The following ENOSF1 variants were observed in gnomAD, a reference collection of about 807,000 sequenced individuals.
ENOSF1 encodes mitochondrial enolase superfamily member 1.
Under a neutral mutation model 68.2 loss-of-function variants are expected in ENOSF1, and 73 were observed. That is an observed-to-expected ratio of 1.07 (90% confidence interval 0.89 to 1.30). ENOSF1 has a LOEUF of 1.30. Ranked by LOEUF, ENOSF1 falls within the 50% of genes most tolerant of loss-of-function variation. The probability of loss-of-function intolerance (pLI) is 0.00; values close to 1 mark genes in which losing one functional copy is unlikely to be tolerated. For synonymous variants in ENOSF1, 223 were observed against 210.4 expected, an observed-to-expected ratio of 1.06 and a Z score of -0.52; for missense variants, 589 against 554.5, an observed-to-expected ratio of 1.06 and a Z score of -0.62.
At chr18:682,926 A>AC (rs1469614321) in intron 11 of ENOSF1, 82 of 224,302 alleles carry the variant, frequency 3.7e-4, no homozygotes, top group Admixed American at 2.3e-3. Flanking sequence ...AAAAAACAAA[A>AC]AAAAAAAATG....
In ENOSF1 at chr18:689,426, A is replaced by G. The variant is rs530235649; in HGVS notation, c.619-818T>C. Reference sequence around the variant, plus strand: ...CTCCTGAGTGGCTGGGACTACAGATACGCATTACCACGCCCAGATAATTTT... The same window carrying G: ...CTCCTGAGTGGCTGGGACTACAGATGCGCATTACCACGCCCAGATAATTTT... On this transcript the variant is annotated intron_variant, in intron 8 of 15. Transcript: ENST00000647584. Among the ~76,000 whole-genome samples the G allele has an allele frequency of 3.3e-5, 5 of 152,102 alleles. No homozygotes were observed. The South Asian group carries it at 1.0e-3, about 32-fold the overall frequency.
At chr18:667,547 TGATGGAGATGGTGATGGTGATGGA>T (rs2074878246), downstream of ENOSF1, among the ~76,000 whole-genome samples, 10 of 44,142 alleles carry the variant, frequency 2.3e-4, 1 homozygote, top group Non-Finnish European at 2.8e-4. Context: ...ATGGTGATGG[TGATGGAGATGGTGATGGTGATGGA>T]GATGGTGATG....
At chr18:684,217 A>T (rs576639287) in intron 10 of ENOSF1, among the ~76,000 whole-genome samples, 4 of 151,700 alleles carry the variant, frequency 2.6e-5, no homozygotes, top group Non-Finnish European at 4.4e-5. Flanking sequence ...GGATGGTCTC[A>T]ATCTCCTGAC....
At chr18:678,386 A>C in intron 12 of ENOSF1, 1 of 444,790 alleles carries the variant, frequency 2.2e-6, no homozygotes, top group South Asian at 3.6e-5. Context: ...ATTCAATTTG[A>C]AAGCTGGCTT....
chr18:691,354 T>C, intron 5 of ENOSF1, 78 bp from the exon 6 acceptor site: 1 of 1,243,952 alleles, frequency 8.0e-7, no homozygotes. Context: ...AATTTATTAT[T>C]CTTTTTTTAG....
chr18:676,257 GTTTGGATTTGT>G (rs1313989207), intron 14 of ENOSF1, among the ~76,000 whole-genome samples: 14 of 152,166 alleles, frequency 9.2e-5, no homozygotes, highest in Admixed American at 3.3e-4. Flanking sequence ...GGCTGATATG[GTTTGGATTTGT>G]TTTGGATTTG....
intron 2 of ENOSF1, among the ~76,000 whole-genome samples, chr18:699,056 T>C (rs2078047628): frequency 6.6e-6 from 1 of 152,104 alleles, no homozygotes; most frequent in Non-Finnish European, 1.5e-5. Flanking sequence ...CTATGTTGCA[T>C]GGGGCAGTGG....
At position 693,896 on chromosome 18, in the gene ENOSF1, A is replaced by T; in HGVS notation, c.409T>A (p.Leu137Ile). ...AKQEGKPVWKLLVDMDPRMLV... is the reference protein window; with the variant it reads ...AKQEGKPVWKILVDMDPRMLV... Reference sequence around the variant, plus strand: ...ATGCTACTCACCATGTCCACAAGTAACTTCCAGACAGGCTTGAAGTAAAAA... The same window carrying T: ...ATGCTACTCACCATGTCCACAAGTATCTTCCAGACAGGCTTGAAGTAAAAA... The change falls in exon 5 of 16, where the codon TTA (leucine) becomes ATA (isoleucine). Residue 137 changes from leucine (L) to isoleucine (I), a missense_variant. Leu to Ile is a conservative substitution (Grantham distance 5). Transcript: ENST00000647584. 6.2e-7 allele frequency: 1 copy of T among 1,614,094 alleles called. No individual in the cohort carries two copies. Among genetic ancestry groups the T allele is most frequent in the Non-Finnish European group, 8.5e-7 (1 of 1,180,012 alleles).
chr18:696,499 C>T (rs2077752235), intron 3 of ENOSF1, among the ~76,000 whole-genome samples: 1 of 151,972 alleles, frequency 6.6e-6, no homozygotes, highest in Non-Finnish European at 1.5e-5. Flanking sequence ...GAGTGAGCCA[C>T]CGCGCCCGGC....
At chr18:676,789 A>T (rs10502289) in intron 14 of ENOSF1, among the ~76,000 whole-genome samples, 22,921 of 152,134 alleles carry the variant, frequency 0.15, 2,167 homozygotes, top group Middle Eastern at 0.26. Flanking sequence ...TTTATCACTC[A>T]CAGTCCTGAA....
At chr18:675,677 C>T (rs148913568) in intron 14 of ENOSF1, 25 of 347,212 alleles carry the variant, frequency 7.2e-5, no homozygotes, top group African/African-American at 4.5e-4. Context: ...TCAATTCAGA[C>T]TCTGTAAATA....
chr18:710,618 C>T (rs528320738), intron 1 of ENOSF1, among the ~76,000 whole-genome samples: 8 of 152,330 alleles, frequency 5.3e-5, no homozygotes, highest in Non-Finnish European at 1.2e-4. Flanking sequence ...CTCAAGTGAT[C>T]CCCCTGCCTA....
rs1460915751 is a variant in ENOSF1, at chr18:674,319, C to T, written c.1318G>A (p.Ala440Thr). ...GGGCTGAGCACTTAATTTTCTTGAG[C>T]AGGAAGGAGTTTCTTCCAAACTTCA... ...DGEVWKKLLP[A>T]QEN The change falls in exon 16 of 16, where the codon GCT becomes ACT. Residue 440 changes from alanine (A) to threonine (T), a missense_variant. Ala to Thr is a moderately conservative substitution (Grantham distance 58). Coordinates refer to ENST00000647584, the MANE Select transcript of ENOSF1 (RefSeq NM_017512.7). The T allele has an allele frequency of 1.2e-6, 2 of 1,609,212 alleles. No homozygotes were observed. Among genetic ancestry groups the T allele is most frequent in the Admixed American group, 1.7e-5 (1 of 59,246 alleles).
chr18:678,780 G>A (rs2144625405), intron 11 of ENOSF1, 43 bp from the exon 12 acceptor site: 1 of 1,591,902 alleles, frequency 6.3e-7, no homozygotes, highest in Non-Finnish European at 8.6e-7. Context: ...CCTAAGTTTT[G>A]AACTGCAACT....
chr18:699,823 T>C (rs1392639608), intron 2 of ENOSF1, among the ~76,000 whole-genome samples: 1 of 152,228 alleles, frequency 6.6e-6, no homozygotes, highest in East Asian at 1.9e-4. Context: ...CTCACGTCTG[T>C]AATCCTAGCA....
downstream of ENOSF1, among the ~76,000 whole-genome samples, chr18:667,499 AGATGGTGATGGT>A (rs1408203595): frequency 9.8e-5 from 1 of 10,184 alleles, no homozygotes; most frequent in African/African-American, 7.7e-4. Flanking sequence ...ATGGTGATGG[AGATGGTGATGGT>A]GATGGTGATG....
intron 7 of ENOSF1, 153 bp from the exon 8 acceptor site, chr18:690,784 A>C: frequency 6.7e-7 from 1 of 1,488,354 alleles, no homozygotes; most frequent in Non-Finnish European, 8.9e-7. Flanking sequence ...CTAGGATGTC[A>C]AACCCAGGTG....
chr18:686,291 G>A (rs2076605295), intron 9 of ENOSF1: 2 of 369,702 alleles, frequency 5.4e-6, no homozygotes, highest in Non-Finnish European at 9.8e-6. Context: ...GTTTTTGCCG[G>A]GCCATGAAAA....
chr18:694,502 G>T (rs2077519381), intron 3 of ENOSF1, among the ~76,000 whole-genome samples, 168 bp from the exon 4 acceptor site: 1 of 152,064 alleles, frequency 6.6e-6, no homozygotes, highest in Admixed American at 6.6e-5. Context: ...GTGGTGGTTT[G>T]TGCCTGTAGT....
Sources: allele counts gnomAD v4.1 joint callset (sites outside exome capture counted in the v4.1 genomes callset), GRCh38; gene constraint gnomAD v4.1.1; transcripts MANE v1.5; gene names NCBI Gene and HGNC (gene_info 2026-07-23, HGNC 2026-07-21).